Variants in THBS1 observed in about 807,000 individuals in gnomAD.
THBS1 encodes the protein thrombospondin 1, also known as thrombospondin-1.
Under a neutral mutation model 126.1 loss-of-function variants are expected in THBS1, and 29 were observed. The ratio of observed to expected loss-of-function variants is 0.23; its 90% confidence interval spans 0.17 to 0.31. The LOEUF (loss-of-function observed/expected upper bound fraction) is 0.31, where lower values mean the gene tolerates loss of function less well. Ranked by LOEUF, THBS1 falls within the 10% of genes least tolerant of loss-of-function variation. The pLI is 1.00. For missense variants in THBS1, 1,198 were observed against 1,545.2 expected (o/e 0.78, Z 3.77); for synonymous variants, 496 against 577.8 (o/e 0.86, Z 2.03).
chr15:39,593,675 A>C lies in THBS1; in HGVS notation c.3267+7A>C. On this transcript the variant is annotated splice_region_variant and intron_variant, in intron 19 of 21. Transcript: ENST00000260356. The surrounding 1 kb of genome is among the most constrained non-coding windows in gnomAD (Gnocchi z 5.9). ...AGGAAACACCCCTGGCCAGGTAAGA[A>C]GCAAAGCCCTGGAACAGAGAGAGAG... 6.2e-7 allele frequency: 1 copy of C among 1,612,518 alleles called. No individual in the cohort carries two copies. The highest frequency in any genetic ancestry group is 1.3e-5 in the African/African-American group (1 of 74,968).
rs760644149 is a variant in THBS1 at position 39,591,519 on chromosome 15, C to T, written c.2428C>T (p.Arg810Trp). ...DIDGDGILNE[R>W]DNCQYVYNVD... The stretch of plus-strand genomic sequence containing the variant: ...GTTCTCTTCAGGTATCCTCAATGAA[C>T]GGGACAACTGCCAGTACGTCTACAA... Residue 810 changes from arginine to tryptophan, a missense_variant, in exon 16 of 22, where the codon CGG (arginine) becomes TGG (tryptophan). Around this residue, in one of 4 missense-constraint regions of THBS1, gnomAD observed 663 missense variants for 860.1 expected, o/e 0.77. Coordinates refer to ENST00000260356, the MANE Select transcript of THBS1 (RefSeq NM_003246.4). 82 of 1,614,026 alleles carry T rather than the reference C, an allele frequency of 5.1e-5. No individual in the cohort carries two copies. Among genetic ancestry groups the T allele is most frequent in the Non-Finnish European group, 6.5e-5 (77 of 1,180,014 alleles).
At chr15:39,582,127 G>T in intron 2 of THBS1, 66 bp from the exon 3 acceptor site, 1 of 1,515,314 alleles carries the variant, frequency 6.6e-7, no homozygotes, top group Non-Finnish European at 8.9e-7. Flanking sequence ...CCACCCCTAA[G>T]GACTCAGCCC....
rs376170511 is a variant in THBS1 at position 39,588,233 on chromosome 15, C to T, written c.1471+15C>T. ...CGCCTGCCCCAGTAAGTGTGAGGTC[C>T]GCTGCAAGGGTGAGCATGGGCAGCA... On this transcript the variant is annotated intron_variant, in intron 9 of 21. Transcript: ENST00000260356. The T allele has an allele frequency of 2.0e-5, 32 of 1,610,708 alleles. No individual in the cohort carries two copies. The highest frequency in any genetic ancestry group is 5.3e-5 in the African/African-American group (4 of 74,836).
chr15:39,589,239 G>A lies in THBS1; in HGVS notation c.1811G>A (p.Gly604Glu), dbSNP rs1257469047. The change falls in exon 12 of 22, where the codon GGA becomes GAA. Residue 604 changes from glycine to glutamate, a missense_variant. Around this residue, in one of 4 missense-constraint regions of THBS1, gnomAD observed 663 missense variants for 860.1 expected, o/e 0.77. Transcript: ENST00000260356. This position sits in a 1 kb window ranked among gnomAD's most constrained non-coding sequence, Gnocchi z 4.7. The part of the protein sequence containing the change: ...EVPDACFNHN[G>E]EHRCENTDPG... Reference sequence around the variant, plus strand: ...CCTGATGCCTGCTTCAACCACAATGGAGAGCACCGGTGTGAGAACACGGAC... The same window carrying A: ...CCTGATGCCTGCTTCAACCACAATGAAGAGCACCGGTGTGAGAACACGGAC... 6.2e-7 allele frequency: 1 copy of A among 1,614,146 alleles called. No individual in the cohort carries two copies. Among genetic ancestry groups the A allele is most frequent in the East Asian group, 2.2e-5 (1 of 44,886 alleles).
intron 3 of THBS1, 147 bp downstream of exon 3, chr15:39,582,899 A>C: frequency 1.1e-6 from 1 of 914,768 alleles, no homozygotes; most frequent in Non-Finnish European, 1.6e-6. Context: ...GGGCTTGTGA[A>C]AGCTCACCCT....
At position 39,599,392 on chromosome 15, in the gene THBS1, A is replaced by G. The variant is rs1366942424; in HGVS notation, c.*4023A>G. On this transcript the variant is annotated 3_prime_UTR_variant, in exon 22 of 22. Coordinates refer to ENST00000260356, the MANE Select transcript of THBS1 (RefSeq NM_003246.4). ...TACCTAAATAACAGAAAGGCTCACT[A>G]TGTCCCAAATATCATTGGCAGAAGC... 6.6e-6 allele frequency: 1 copy of G among 152,144 alleles called. No homozygotes were observed. Among genetic ancestry groups the G allele is most frequent in the Non-Finnish European group, 1.5e-5 (1 of 68,028 alleles). 9.4% of individuals were successfully genotyped at this position (152,144 alleles called of 1,614,324 possible).
chr15:39,591,379 C>A, intron 15 of THBS1, 29 bp downstream of exon 15: 2 of 1,601,930 alleles, frequency 1.2e-6, no homozygotes, highest in Non-Finnish European at 1.7e-6. Flanking sequence ...AGAGGGCCCG[C>A]GGGAGACAGG....
In THBS1 at chr15:39,589,830, C is replaced by T. The variant is rs377693076; in HGVS notation, c.1952C>T (p.Thr651Met). The T allele has an allele frequency of 5.4e-4, 878 of 1,613,484 alleles. 12 individuals are homozygous for T. The South Asian group carries it at 8.6e-3, about 16-fold the overall frequency. Residue 651 changes from threonine to methionine, a missense_variant, in exon 13 of 22, where the codon ACG (threonine) becomes ATG (methionine). Coordinates refer to ENST00000260356, the MANE Select transcript of THBS1 (RefSeq NM_003246.4). This position sits in a 1 kb window ranked among gnomAD's most constrained non-coding sequence, Gnocchi z 4.7. The part of the protein sequence containing the change: ...KQVCKPRNPC[T>M]DGTHDCNKNA... ...GTGTGCAAGCCCCGTAACCCCTGCA[C>T]GGATGGGACCCACGACTGCAACAAG... is the stretch of plus-strand genomic sequence containing the variant.
chr15:39,588,856 C>T (rs771237531), intron 10 of THBS1, 103 bp from the exon 11 acceptor site: 2 of 1,601,382 alleles, frequency 1.2e-6, no homozygotes, highest in East Asian at 2.2e-5. Flanking sequence ...GTTATCGGTT[C>T]CCTATACCCT....
chr15:39,582,237 G>C lies in THBS1; in HGVS notation c.112G>C (p.Gly38Arg), dbSNP rs746514789. ...CGTGTTTGACATCTTTGAACTCACC[G>C]GGGCCGCCCGCAAGGGGTCTGGGCG... Reference protein sequence around the residue: ...NSVFDIFELTGAARKGSGRRL... With the variant: ...NSVFDIFELTRAARKGSGRRL... The change falls in exon 3 of 22, where the codon GGG becomes CGG. Residue 38 changes from glycine to arginine, a missense_variant. By Grantham distance (125) the Gly-to-Arg change is moderately radical. Transcript: ENST00000260356. 5 of 1,613,536 alleles carry C rather than the reference G, an allele frequency of 3.1e-6. No homozygotes were observed. The African/African-American group carries it at 4.0e-5, about 13-fold the overall frequency.
chr15:39,584,565 A>C, intron 6 of THBS1, 143 bp downstream of exon 6: 10 of 1,099,016 alleles, frequency 9.1e-6, no homozygotes, highest in African/African-American at 1.6e-5. Flanking sequence ...TTTAAGATGC[A>C]ATTATGGCAT....
At position 39,593,435 on chromosome 15, in the gene THBS1, T is replaced by G. The variant is rs764785384; in HGVS notation, c.3034T>G (p.Phe1012Val). Residue 1012 changes from phenylalanine (F) to valine (V), a missense_variant, in exon 19 of 22, where the codon TTC becomes GTC. By Grantham distance (50) the Phe-to-Val change is conservative. Transcript: ENST00000260356. This position sits in a 1 kb window ranked among gnomAD's most constrained non-coding sequence, Gnocchi z 5.9. ...EFNAVDFSGT[F>V]FINTERDDDY... ...TAATGCTGTGGACTTCAGTGGCACC[T>G]TCTTCATCAACACCGAAAGGGACGA... The G allele has an allele frequency of 6.2e-7, 1 of 1,614,168 alleles. No homozygotes were observed. The highest frequency in any genetic ancestry group is 2.2e-5 in the East Asian group (1 of 44,882).
At chr15:39,584,519 T>C (rs1410539635) in intron 6 of THBS1, 97 bp downstream of exon 6, 7 of 1,518,030 alleles carry the variant, frequency 4.6e-6, no homozygotes, top group Non-Finnish European at 6.2e-6. Context: ...ATTCTTTTTA[T>C]GTTCCATGGC....
In THBS1 at chr15:39,593,334, G is replaced by A; in HGVS notation, c.2996-63G>A. ...CCCTGTGGGTGCTGAGGATGTCTAG[G>A]AACATGATGGAGAACCTTCTGAAGG... On this transcript the variant is annotated intron_variant, in intron 18 of 21. Coordinates refer to ENST00000260356, the MANE Select transcript of THBS1 (RefSeq NM_003246.4). This position sits in a 1 kb window ranked among gnomAD's most constrained non-coding sequence, Gnocchi z 5.9. 1 of 1,612,966 alleles carries A rather than the reference G, an allele frequency of 6.2e-7. No homozygotes were observed. The highest frequency in any genetic ancestry group is 8.5e-7 in the Non-Finnish European group (1 of 1,179,354).
intron 7 of THBS1, among the ~76,000 whole-genome samples, chr15:39,586,165 C>T (rs1197504765): frequency 6.6e-6 from 1 of 152,156 alleles, no homozygotes; most frequent in East Asian, 1.9e-4. Flanking sequence ...AAAAGTGATT[C>T]ATTACAACTA....
In THBS1 at chr15:39,588,560, C is replaced by T; in HGVS notation, c.1506C>T (p.Asp502=). 3 of 1,586,708 alleles carry T rather than the reference C, an allele frequency of 1.9e-6. No homozygotes were observed. The highest frequency in any genetic ancestry group is 1.7e-6 in the Non-Finnish European group (2 of 1,168,992). Reference sequence around the variant, plus strand: ...GCTGGGGTCCTTGGTCACCATGGGACATCTGTTCTGTCACCTGTGGAGGAG... The same window carrying T: ...GCTGGGGTCCTTGGTCACCATGGGATATCTGTTCTGTCACCTGTGGAGGAG... The part of the protein sequence containing the change: ...NGGWGPWSPW[D]ICSVTCGGGV... Residue 502 remains aspartate, a synonymous_variant, in exon 10 of 22, where the codon GAC becomes GAT. Transcript: ENST00000260356.
At position 39,581,224 on chromosome 15, in the gene THBS1, C is replaced by A; in HGVS notation, c.-34C>A. On this transcript the variant is annotated 5_prime_UTR_variant, in exon 1 of 22. Transcript: ENST00000260356. ...CTCCCGGCCGCCGCGCTCCGGTACACACAGGTAAGTCGCCCCCGGCGGCCG... is the reference window on the plus strand; with the variant it reads ...CTCCCGGCCGCCGCGCTCCGGTACAAACAGGTAAGTCGCCCCCGGCGGCCG... 1 of 154,790 alleles carries A rather than the reference C, an allele frequency of 6.5e-6. No homozygotes were observed. The highest frequency in any genetic ancestry group is 1.8e-4 in the South Asian group (1 of 5,660). 9.6% of individuals were successfully genotyped at this position (154,790 alleles called of 1,614,324 possible).
Position 39,597,275 on chromosome 15 carries a change from G to GTTTTGTTTTTTTTTTT in THBS1, c.*1911_*1926dup, listed in dbSNP as rs1890475402. 1.9e-5 allele frequency: 1 copy of GTTTTGTTTTTTTTTTT among 52,592 alleles called. No homozygotes were observed. Among genetic ancestry groups the GTTTTGTTTTTTTTTTT allele is most frequent in the Non-Finnish European group, 4.0e-5 (1 of 24,778 alleles). The allele number at this position is 52,592 out of a possible 1,614,324, so 3.3% of individuals were successfully genotyped here. ...GAATTGTTGGTTTTTTCTTTTTTTTGTTTTGTTTTTTTTTTTTTTTTTTTT... is the reference window on the plus strand; with the variant it reads ...GAATTGTTGGTTTTTTCTTTTTTTTGTTTTGTTTTTTTTTTTTTTTGTTTTTTTTTTTTTTTTTTTT... On this transcript the variant is annotated 3_prime_UTR_variant, in exon 22 of 22. Coordinates refer to ENST00000260356, the MANE Select transcript of THBS1 (RefSeq NM_003246.4).
Position 39,588,954 on chromosome 15 carries a change from C to T in THBS1, c.1646-5C>T. On this transcript the variant is annotated splice_polypyrimidine_tract_variant and splice_region_variant and intron_variant, in intron 10 of 21. Transcript: ENST00000260356. ...ACTGTGACTGTCTCTCTCTCCTTGT[C>T]TCAGATGGATGCCTGTCCAATCCCT... The T allele has an allele frequency of 1.9e-6, 3 of 1,614,146 alleles. No homozygotes were observed. The highest frequency in any genetic ancestry group is 1.1e-5 in the South Asian group (1 of 91,082).
Sources: gnomAD v4.1 joint callset for allele counts (sites outside exome capture counted in the v4.1 genomes callset) on GRCh38, gnomAD v4.1.1 for gene constraint, gnomAD v4.1.1 regional missense constraint, Gnocchi (gnomAD v3.1) non-coding constraint, MANE v1.5 for transcripts, NCBI Gene and HGNC (gene_info 2026-07-23, HGNC 2026-07-21) for gene names.